NR2F2: variants seen among roughly 807,000 people sequenced by gnomAD.
NR2F2 encodes the protein nuclear receptor subfamily 2 group F member 2.
NR2F2 carries 2 observed loss-of-function variants against 34.8 expected under a neutral mutation model. That is an observed-to-expected ratio of 0.06 (90% CI 0.02 to 0.18). NR2F2 has a LOEUF of 0.18. Ranked by LOEUF, NR2F2 falls within the 10% of genes least tolerant of loss-of-function variation. The probability of loss-of-function intolerance (pLI) is 1.00; values close to 1 mark genes in which losing one functional copy is unlikely to be tolerated. For missense variants in NR2F2, 300 were observed against 580.1 expected (o/e 0.52, Z 4.96); for synonymous variants, 274 against 251.8 (o/e 1.09, Z -0.84).
At chr15:96,335,601 G>T (rs1464542917) in intron 2 of NR2F2, among the ~76,000 whole-genome samples, 2 of 152,274 alleles carry the variant, frequency 1.3e-5, no homozygotes, top group East Asian at 3.9e-4. Context: ...GAGGGGAAAG[G>T]GGTTCCCGAT....
chr15:96,334,712 A>G, intron 2 of NR2F2, 109 bp downstream of exon 2: 1 of 1,219,846 alleles, frequency 8.2e-7, no homozygotes, highest in South Asian at 1.5e-5. Flanking sequence ...TGAAAGGCCA[A>G]ACTGTTGAGT....
In NR2F2 at chr15:96,332,287, G is replaced by A; in HGVS notation, c.182G>A (p.Gly61Asp). The change falls in exon 1 of 3, where the codon GGC becomes GAC. Residue 61 changes from glycine (G) to aspartate (D), a missense_variant. By Grantham distance (94) the Gly-to-Asp change is moderately conservative. Coordinates refer to ENST00000394166, the MANE Select transcript of NR2F2 (RefSeq NM_021005.4). The part of the protein sequence containing the change: ...TPAQTAAGGQ[G>D]GPGGPGSDKQ... ...GCCCAGACGGCGGCCGGTGGCCAGG[G>A]CGGCCCTGGCGGCCCGGGTAGCGAC... The A allele has an allele frequency of 2.6e-6, 4 of 1,562,740 alleles. No individual in the cohort carries two copies. Among genetic ancestry groups the A allele is most frequent in the Non-Finnish European group, 3.5e-6 (4 of 1,154,838 alleles).
chr15:96,332,735 C>G (rs1229552358), intron 1 of NR2F2, 188 bp downstream of exon 1: 1 of 1,292,042 alleles, frequency 7.7e-7, no homozygotes, highest in Non-Finnish European at 1.0e-6. Context: ...CTTTGGCCGA[C>G]TGATTTCCTT....
In NR2F2 at chr15:96,339,597, T is replaced by C. The variant is rs1899439490; in HGVS notation, c.*1975T>C. 6.6e-6 allele frequency: 1 copy of C among 152,166 alleles called. No individual in the cohort carries two copies. The highest frequency in any genetic ancestry group is 6.5e-5 in the Admixed American group (1 of 15,284). The allele number at this position is 152,166 out of a possible 1,614,324, so 9.4% of individuals were successfully genotyped here. A position where few individuals can be genotyped will look rare whatever the true frequency, so the allele number is the denominator to read the frequency against. On this transcript the variant is annotated 3_prime_UTR_variant, in exon 3 of 3. Coordinates refer to ENST00000394166, the MANE Select transcript of NR2F2 (RefSeq NM_021005.4). Reference sequence around the variant, plus strand: ...ACAATCTGTACTGCTCTTGGGATCCTTTGTCCTTAGAAGCCAAATTAAGGA... The same window carrying C: ...ACAATCTGTACTGCTCTTGGGATCCCTTGTCCTTAGAAGCCAAATTAAGGA...
At position 96,334,615 on chromosome 15, in the gene NR2F2, C is replaced by A; in HGVS notation, c.970+12C>A. Reference sequence around the variant, plus strand: ...CCTGTTCACCTCAGGTAGGAAGGAGCCCTGTCTTCTCGTGCCCACGGGCTC... The same window carrying A: ...CCTGTTCACCTCAGGTAGGAAGGAGACCTGTCTTCTCGTGCCCACGGGCTC... On this transcript the variant is annotated intron_variant, in intron 2 of 2. Transcript: ENST00000394166. 6.3e-7 allele frequency: 1 copy of A among 1,576,530 alleles called. No homozygotes were observed. Among genetic ancestry groups the A allele is most frequent in the South Asian group, 1.1e-5 (1 of 87,374 alleles).
upstream of NR2F2, among the ~76,000 whole-genome samples, chr15:96,328,853 C>T (rs1438204767): frequency 6.6e-6 from 1 of 151,194 alleles, no homozygotes; most frequent in East Asian, 1.9e-4. Flanking sequence ...AGAGTGAGGG[C>T]TGAGGTTTCG....
upstream of NR2F2, chr15:96,327,349 G>A (rs910387307): frequency 1.3e-5 from 2 of 152,156 alleles, no homozygotes; most frequent in African/African-American, 2.4e-5. Flanking sequence ...GTCCAAAGTC[G>A]TTTCCCTTTA....
Position 96,330,810 on chromosome 15 carries a change from G to A in NR2F2, c.-1296G>A. On this transcript the variant is annotated 5_prime_UTR_variant, in exon 1 of 3. It adds an upstream start codon to the 5' untranslated region. Coordinates refer to ENST00000394166, the MANE Select transcript of NR2F2 (RefSeq NM_021005.4). ...CTCTGTTCTTTTCTCTCCGCGGTGT[G>A]TGTGTGCGTGCGCGCGTGTGTGTTT... is the stretch of plus-strand genomic sequence containing the variant. 1.9e-6 allele frequency: 2 copies of A among 1,075,446 alleles called. No homozygotes were observed. The highest frequency in any genetic ancestry group is 2.3e-6 in the Non-Finnish European group (2 of 869,122). 66.6% of individuals were successfully genotyped at this position (1,075,446 alleles called of 1,614,324 possible).
rs71803791 is a variant in NR2F2, at chr15:96,337,821, TAAAAA to T, written c.*210_*214del. 4 of 178,888 alleles carry T rather than the reference TAAAAA, an allele frequency of 2.2e-5. No homozygotes were observed. The highest frequency in any genetic ancestry group is 1.7e-4 in the South Asian group (1 of 5,832). The allele number at this position is 178,888 out of a possible 1,614,324, so 11.1% of individuals were successfully genotyped here. A position where few individuals can be genotyped will look rare whatever the true frequency, so the allele number is the denominator to read the frequency against. On this transcript the variant is annotated 3_prime_UTR_variant, in exon 3 of 3. Transcript: ENST00000394166. ...TCAAATGAACTTTTACAGAATGCAT[TAAAAA>T]AAAAAAAAAACTCCTGTGTCGGTCA...
chr15:96,332,193 C>T lies in NR2F2; in HGVS notation c.88C>T (p.Pro30Ser), dbSNP rs532275244. ...GSQASQAPPV[P>S]GPPPGAPHTP... is the part of the protein sequence containing the mutation. ...CCAGGCCTCGCAGGCGCCGCCCGTG[C>T]CCGGCCCGCCGCCCGGCGCCCCGCA... The change falls in exon 1 of 3, where the codon CCC becomes TCC. Residue 30 changes from proline (P) to serine (S), a missense_variant. By Grantham distance (74) the Pro-to-Ser change is moderately conservative (BLOSUM62 -1). Transcript: ENST00000394166. 3.0e-6 allele frequency: 4 copies of T among 1,334,192 alleles called. No individual in the cohort carries two copies. The highest frequency in any genetic ancestry group is 3.2e-5 in the East Asian group (1 of 31,032). The allele number at this position is 1,334,192 out of a possible 1,614,324, so 82.6% of individuals were successfully genotyped here. A position where few individuals can be genotyped will look rare whatever the true frequency, so the allele number is the denominator to read the frequency against.
At chr15:96,330,473 C>T (rs1328967563), upstream of NR2F2, among the ~76,000 whole-genome samples, 9 of 143,258 alleles carry the variant, frequency 6.3e-5, no homozygotes, top group African/African-American at 2.0e-4. Flanking sequence ...GCGTGCCCCG[C>T]GCCGCGCCGG....
In NR2F2 at chr15:96,339,142, A is replaced by AG. The variant is rs1899426472; in HGVS notation, c.*1523dup. The AG allele has an allele frequency of 6.6e-6, 1 of 151,880 alleles. No homozygotes were observed. Among genetic ancestry groups the AG allele is most frequent in the Non-Finnish European group, 1.5e-5 (1 of 67,994 alleles). The allele number at this position is 151,880 out of a possible 1,614,324, so 9.4% of individuals were successfully genotyped here. ...ATTTGTCACACTTAAGTGCCTGCTT[A>AG]GGGAAGGTATTGTGAAAAAGTATTA... is the stretch of plus-strand genomic sequence containing the variant. On this transcript the variant is annotated 3_prime_UTR_variant, in exon 3 of 3. Transcript: ENST00000394166.
intron 1 of NR2F2, chr15:96,333,731 C>G (rs747943107): frequency 5.5e-6 from 7 of 1,266,946 alleles, no homozygotes; most frequent in Non-Finnish European, 6.0e-6. Context: ...TAAGAAATAT[C>G]AGCTGTTTAG....
Position 96,331,331 on chromosome 15 carries a change from A to C in NR2F2, c.-775A>C, listed in dbSNP as rs1899134798. On this transcript the variant is annotated 5_prime_UTR_variant, in exon 1 of 3. Transcript: ENST00000394166. ...CCAGGACGACGCCGCGCAGCGCCCG[A>C]CGCGGACCACTTTCATGCTGATTCC... is the stretch of plus-strand genomic sequence containing the variant. 8.4e-7 allele frequency: 1 copy of C among 1,196,266 alleles called. No homozygotes were observed. The highest frequency in any genetic ancestry group is 1.6e-5 in the African/African-American group (1 of 62,850). 74.1% of individuals were successfully genotyped at this position (1,196,266 alleles called of 1,614,324 possible).
intron 1 of NR2F2, chr15:96,333,746 AAAG>A: frequency 7.6e-7 from 1 of 1,315,692 alleles, no homozygotes; most frequent in Non-Finnish European, 9.7e-7. Flanking sequence ...GTTTAGCAGT[AAAG>A]AAGAAAGATG....
upstream of NR2F2, chr15:96,326,405 G>A: frequency 5.3e-6 from 8 of 1,497,760 alleles, no homozygotes; most frequent in Non-Finnish European, 7.4e-6. The surrounding 1 kb of genome is among the most constrained non-coding windows in gnomAD (Gnocchi z 5.5). Flanking sequence ...TCACTTTTCT[G>A]CTTGTGCTGT....
chr15:96,339,592 G>A lies in NR2F2; in HGVS notation c.*1970G>A, dbSNP rs1899439262. On this transcript the variant is annotated 3_prime_UTR_variant, in exon 3 of 3. Transcript: ENST00000394166. ...TGGCTACAATCTGTACTGCTCTTGG[G>A]ATCCTTTGTCCTTAGAAGCCAAATT... 6.6e-6 allele frequency: 1 copy of A among 152,168 alleles called. No individual in the cohort carries two copies. Among genetic ancestry groups the A allele is most frequent in the East Asian group, 1.9e-4 (1 of 5,190 alleles). 9.4% of individuals were successfully genotyped at this position (152,168 alleles called of 1,614,324 possible). A position where few individuals can be genotyped will look rare whatever the true frequency, so the allele number is the denominator to read the frequency against.
chr15:96,330,978 TCC>T lies in NR2F2; in HGVS notation c.-1127_-1126del. 8.3e-7 allele frequency: 1 copy of T among 1,198,182 alleles called. No individual in the cohort carries two copies. Among genetic ancestry groups the T allele is most frequent in the Non-Finnish European group, 1.0e-6 (1 of 965,832 alleles). 74.2% of individuals were successfully genotyped at this position (1,198,182 alleles called of 1,614,324 possible). ...TGTGCTTCTAGGTGGTGATCTGCCC[TCC>T]TCTCTCTCTTTTATCATTTCTCCCC... is the stretch of plus-strand genomic sequence containing the variant. On this transcript the variant is annotated 5_prime_UTR_variant, in exon 1 of 3. Transcript: ENST00000394166.
Position 96,339,123 on chromosome 15 carries a change from C to A in NR2F2, c.*1501C>A, listed in dbSNP as rs992130657. On this transcript the variant is annotated 3_prime_UTR_variant, in exon 3 of 3. Transcript: ENST00000394166. ...AAAAAAAAAAGGCCCTTATATTTGT[C>A]ACACTTAAGTGCCTGCTTAGGGAAG... 6.0e-5 allele frequency: 9 copies of A among 150,186 alleles called. No individual in the cohort carries two copies. The highest frequency in any genetic ancestry group is 2.2e-4 in the African/African-American group (9 of 40,960). 9.3% of individuals were successfully genotyped at this position (150,186 alleles called of 1,614,324 possible).
Sources: gnomAD v4.1 joint callset for allele counts (sites outside exome capture counted in the v4.1 genomes callset) on GRCh38, gnomAD v4.1.1 for gene constraint, Gnocchi (gnomAD v3.1) non-coding constraint, MANE v1.5 for transcripts, NCBI Gene and HGNC (gene_info 2026-07-23, HGNC 2026-07-21) for gene names.